OGDHL: variants seen among roughly 807,000 people sequenced by gnomAD.
OGDHL encodes the protein oxoglutarate dehydrogenase L.
Under a neutral mutation model 109.6 loss-of-function variants are expected in OGDHL, and 79 were observed. The ratio of observed to expected loss-of-function variants is 0.72; its 90% confidence interval spans 0.60 to 0.87. OGDHL has a LOEUF of 0.87. OGDHL is among the 40% of genes least tolerant of loss of function. OGDHL has a pLI of 0.00. For synonymous variants in OGDHL, 528 were observed against 537.2 expected, an observed-to-expected ratio of 0.98 and a Z score of 0.24; for missense variants, 1,275 against 1,362.2, an observed-to-expected ratio of 0.94 and a Z score of 1.01.
chr10:49,739,491 CTCAGCA>C, intron 17 of OGDHL, 164 bp downstream of exon 17: 1 of 714,374 alleles, frequency 1.4e-6, no homozygotes. Flanking sequence ...GCATCATCGT[CTCAGCA>C]GCTGCAGCAT....
At chr10:49,741,796 A>G (rs1207623930) in intron 15 of OGDHL, among the ~76,000 whole-genome samples, 3 of 142,296 alleles carry the variant, frequency 2.1e-5, no homozygotes, top group Non-Finnish European at 3.1e-5. Context: ...TACCACACAT[A>G]CATGCAAAAC....
Position 49,747,076 on chromosome 10 carries a change from T to G in OGDHL, c.1120A>C (p.Lys374Gln). Residue 374 changes from lysine to glutamine, a missense_variant, in exon 9 of 23, where the codon AAG (lysine) becomes CAG (glutamine). Transcript: ENST00000374103. ...CGGTAGAACTGCTCTGCCTTTGTCT[T>G]CCCCTGCACCACAGGGTCCACTGCC... The part of the protein sequence containing the change: ...LEAVDPVVQG[K>Q]TKAEQFYRGD... The G allele has an allele frequency of 6.2e-7, 1 of 1,614,154 alleles. No individual in the cohort carries two copies. Among genetic ancestry groups the G allele is most frequent in the East Asian group, 2.2e-5 (1 of 44,872 alleles).
At chr10:49,754,348 T>C (rs1590758868) in intron 3 of OGDHL, among the ~76,000 whole-genome samples, 1 of 152,218 alleles carries the variant, frequency 6.6e-6, no homozygotes, top group Admixed American at 6.5e-5. Flanking sequence ...CATGCATTCA[T>C]ATGAATCCAA....
chr10:49,735,358 G>A lies in OGDHL; in HGVS notation c.2910-7C>T. ...TGGGTCCCGGCCAACATACCTGGAG[G>A]AGGAGAGACAAGCTAAGGGGAAGGC... On this transcript the variant is annotated splice_region_variant and splice_polypyrimidine_tract_variant and intron_variant, in intron 22 of 22. Coordinates refer to ENST00000374103, the MANE Select transcript of OGDHL (RefSeq NM_018245.3). The A allele has an allele frequency of 6.2e-7, 1 of 1,611,976 alleles. No individual in the cohort carries two copies. The highest frequency in any genetic ancestry group is 1.3e-5 in the African/African-American group (1 of 75,012).
At chr10:49,749,940 A>C in intron 7 of OGDHL, 124 bp from the exon 8 acceptor site, 1 of 701,256 alleles carries the variant, frequency 1.4e-6, no homozygotes, top group Non-Finnish European at 2.4e-6. Flanking sequence ...TCCTCAGGCC[A>C]CCCAATCACC....
At chr10:49,738,912 G>T (rs531816826) in intron 17 of OGDHL, 1 of 153,852 alleles carries the variant, frequency 6.5e-6, no homozygotes, top group South Asian at 2.1e-4. Flanking sequence ...CACCCAGCCT[G>T]GCCCAGATCT....
chr10:49,749,413 G>A (rs1415731900), intron 8 of OGDHL, among the ~76,000 whole-genome samples: 1 of 152,152 alleles, frequency 6.6e-6, no homozygotes, highest in African/African-American at 2.4e-5. Flanking sequence ...TGGACATGGA[G>A]GCACAGCCAC....
In OGDHL at chr10:49,739,767, TG is replaced by T; in HGVS notation, c.2212del (p.His738ThrfsTer51). ...VLWEAQFGDF[H>X]NTAQCIIDQF... ...GTCGATGATGCACTGGGCCGTGTTG[TG>T]GAAGTCCCCAAACTGGGCCTCCCAG... is the stretch of plus-strand genomic sequence containing the variant. On this transcript the variant is annotated frameshift_variant, in exon 17 of 23. Coordinates refer to ENST00000374103, the MANE Select transcript of OGDHL (RefSeq NM_018245.3). LOFTEE classifies it high-confidence loss of function. 1 of 1,614,110 alleles carries T rather than the reference TG, an allele frequency of 6.2e-7. No individual in the cohort carries two copies. The highest frequency in any genetic ancestry group is 1.1e-5 in the South Asian group (1 of 91,074).
chr10:49,749,892 T>A, intron 7 of OGDHL, 76 bp from the exon 8 acceptor site: 1 of 1,294,490 alleles, frequency 7.7e-7, no homozygotes. Flanking sequence ...TGTGGAGGCC[T>A]GGCCTGGCCT....
In OGDHL at chr10:49,738,043, C is replaced by A. The variant is rs778624748; in HGVS notation, c.2421G>T (p.Gln807His). Residue 807 changes from glutamine (Q) to histidine (H), a missense_variant, in exon 19 of 23, where the codon CAG (glutamine) becomes CAT (histidine). Gln to His is a conservative substitution (Grantham distance 24, BLOSUM62 0). Coordinates refer to ENST00000374103, the MANE Select transcript of OGDHL (RefSeq NM_018245.3). The part of the protein sequence containing the change: ...PAFTKDFEVS[Q>H]LYDCNWIVVN... ...CCACGATCCAGTTGCAGTCATAGAG[C>A]TGGCTCACCTCGAAGTCCTTGGTGA... 23 of 1,614,074 alleles carry A rather than the reference C, an allele frequency of 1.4e-5. No individual in the cohort carries two copies. Among genetic ancestry groups the A allele is most frequent in the African/African-American group, 2.7e-5 (2 of 74,936 alleles).
In OGDHL at chr10:49,762,310, T is replaced by TGCGC. The variant is rs1374004761; in HGVS notation, c.-77_-74dup. ...AGGTCAGGGGGCTGCGCGGAAGGGG[T>TGCGC]GCGCGCGCGCCGTGCCAATTACCTG... On this transcript the variant is annotated 5_prime_UTR_variant, in exon 1 of 23. Coordinates refer to ENST00000374103, the MANE Select transcript of OGDHL (RefSeq NM_018245.3). The TGCGC allele has an allele frequency of 6.6e-6, 1 of 151,848 alleles. No homozygotes were observed. The highest frequency in any genetic ancestry group is 1.5e-5 in the Non-Finnish European group (1 of 67,916). The allele number at this position is 151,848 out of a possible 1,614,324, so 9.4% of individuals were successfully genotyped here. A position where few individuals can be genotyped will look rare whatever the true frequency, so the allele number is the denominator to read the frequency against.
Position 49,738,047 on chromosome 10 carries a change from C to T in OGDHL, c.2417G>A (p.Ser806Asn), listed in dbSNP as rs200146887. 6.2e-7 allele frequency: 1 copy of T among 1,614,192 alleles called. No homozygotes were observed. The highest frequency in any genetic ancestry group is 1.7e-5 in the Admixed American group (1 of 60,030). ...GATCCAGTTGCAGTCATAGAGCTGG[C>T]TCACCTCGAAGTCCTTGGTGAATGC... ...YPAFTKDFEVSQLYDCNWIVV... is the reference protein window; with the variant it reads ...YPAFTKDFEVNQLYDCNWIVV... Residue 806 changes from serine to asparagine, a missense_variant, in exon 19 of 23, where the codon AGC becomes AAC. Transcript: ENST00000374103.
rs1470110212 is a variant in OGDHL, at chr10:49,762,291, G to A, written c.-54C>T. On this transcript the variant is annotated 5_prime_UTR_variant, in exon 1 of 23. Coordinates refer to ENST00000374103, the MANE Select transcript of OGDHL (RefSeq NM_018245.3). ...AGCGAGGTCCGGAGGCTGCAGGTCA[G>A]GGGGCTGCGCGGAAGGGGTGCGCGC... 2.0e-5 allele frequency: 3 copies of A among 152,114 alleles called. No individual in the cohort carries two copies. The highest frequency in any genetic ancestry group is 2.0e-4 in the Admixed American group (3 of 15,278). 9.4% of individuals were successfully genotyped at this position (152,114 alleles called of 1,614,324 possible). A position where few individuals can be genotyped will look rare whatever the true frequency, so the allele number is the denominator to read the frequency against.
At chr10:49,742,546 A>ACACCACACG in intron 15 of OGDHL, among the ~76,000 whole-genome samples, 1 of 127,914 alleles carries the variant, frequency 7.8e-6, no homozygotes, top group Admixed American at 7.5e-5. Flanking sequence ...CACACCACAC[A>ACACCACACG]CAACTCGCCC....
At chr10:49,736,252 A>G (rs2132932862) in intron 21 of OGDHL, 75 bp from the exon 22 acceptor site, 1 of 1,575,388 alleles carries the variant, frequency 6.3e-7, no homozygotes, top group Non-Finnish European at 8.6e-7. Context: ...CAGGAGGCAC[A>G]GGGCCTCACC....
At chr10:49,736,844 C>T (rs1463950445) in intron 20 of OGDHL, among the ~76,000 whole-genome samples, 3 of 152,164 alleles carry the variant, frequency 2.0e-5, no homozygotes, top group African/African-American at 7.2e-5. Context: ...TTTGCCCCAA[C>T]CTTGCTTCTG....
intron 3 of OGDHL, among the ~76,000 whole-genome samples, chr10:49,756,283 C>G (rs1842910057): frequency 6.6e-6 from 1 of 152,194 alleles, no homozygotes; most frequent in Non-Finnish European, 1.5e-5. Flanking sequence ...GGGACTCTGA[C>G]AGAGCAGGGG....
rs11101226 is a variant in OGDHL, at chr10:49,752,943, G to C, written c.376-203C>G. ...GGCAGGAGCTCAACCTGGTTTGGAA[G>C]TACAACATGCACGGGCAAAAACAGG... On this transcript the variant is annotated intron_variant, in intron 3 of 22. Transcript: ENST00000374103. 0.24 allele frequency among the ~76,000 whole-genome samples: 37,271 copies of C among 152,254 alleles called. 5,409 individuals are homozygous for C. Among genetic ancestry groups the C allele is most frequent in the African/African-American group, 0.4 (16,535 of 41,526 alleles).
rs1843050748 is a variant in OGDHL at position 49,758,472 on chromosome 10, G to A, written c.121C>T (p.Pro41Ser). Residue 41 changes from proline to serine, a missense_variant, in exon 2 of 23, where the codon CCA (proline) becomes TCA (serine). By Grantham distance (74) the Pro-to-Ser change is moderately conservative. Coordinates refer to ENST00000374103, the MANE Select transcript of OGDHL (RefSeq NM_018245.3). Reference protein sequence around the residue: ...SRSSGPPATFPSSKGGGGSSY... With the variant: ...SRSSGPPATFSSSKGGGGSSY... ...GAGCCGCCTCCACCTTTGCTGCTTG[G>A]GAAGGTGGCCGGTGGCCCGGAGGAC... is the stretch of plus-strand genomic sequence containing the variant. 6.2e-7 allele frequency: 1 copy of A among 1,613,856 alleles called. No individual in the cohort carries two copies. Among genetic ancestry groups the A allele is most frequent in the African/African-American group, 1.3e-5 (1 of 74,926 alleles).
Sources: gnomAD v4.1 joint callset for allele counts (sites outside exome capture counted in the v4.1 genomes callset) on GRCh38, gnomAD v4.1.1 for gene constraint, MANE v1.5 for transcripts, NCBI Gene and HGNC (gene_info 2026-07-23, HGNC 2026-07-21) for gene names.